Variants in MACROD2 observed in about 807,000 individuals in gnomAD.
MACROD2 encodes the protein mono-ADP ribosylhydrolase 2.
In MACROD2, 36 loss-of-function variants were observed where a neutral mutation model predicts 70.4. The observed-to-expected ratio is 0.51, with a 90% confidence interval of 0.39 to 0.68. The LOEUF (loss-of-function observed/expected upper bound fraction) is 0.68. Ranked by LOEUF, MACROD2 falls within the 30% of genes least tolerant of loss-of-function variation. MACROD2 has a pLI of 0.00. For missense variants in MACROD2, 496 were observed against 538.4 expected, an observed-to-expected ratio of 0.92 and a Z score of 0.78; for synonymous variants, 172 against 178.8, an observed-to-expected ratio of 0.96 and a Z score of 0.30.
At chr20:15,031,371 A>C (rs984330722) in intron 5 of MACROD2, among the ~76,000 whole-genome samples, 1 of 151,708 alleles carries the variant, frequency 6.6e-6, no homozygotes, top group Non-Finnish European at 1.5e-5. Flanking sequence ...TTGTGTTACA[A>C]CTCTTTCAGT....
chr20:14,400,847 T>C (rs2083629930), intron 3 of MACROD2, among the ~76,000 whole-genome samples: 1 of 152,192 alleles, frequency 6.6e-6, no homozygotes, highest in Non-Finnish European at 1.5e-5. Flanking sequence ...GGAAGTCCTT[T>C]TACCATATTT....
intron 6 of MACROD2, among the ~76,000 whole-genome samples, chr20:15,335,609 A>T (rs1475014384): frequency 6.6e-6 from 1 of 151,698 alleles, no homozygotes; most frequent in African/African-American, 2.4e-5. Context: ...AGTAATGCAG[A>T]CAGCCTACAA....
intron 13 of MACROD2, among the ~76,000 whole-genome samples, chr20:15,979,460 A>G (rs921853129): frequency 6.6e-6 from 1 of 152,138 alleles, no homozygotes; most frequent in African/African-American, 2.4e-5. Context: ...GCTGCGTGTC[A>G]CATTGTCACA....
intron 5 of MACROD2, among the ~76,000 whole-genome samples, chr20:14,778,653 C>T (rs764460901): frequency 9.9e-5 from 15 of 152,086 alleles, no homozygotes; most frequent in Non-Finnish European, 1.3e-4. Context: ...TCGGAGCCAT[C>T]AAATTATATT....
chr20:14,449,032 T>C (rs909169227), intron 3 of MACROD2, among the ~76,000 whole-genome samples: 9 of 152,092 alleles, frequency 5.9e-5, no homozygotes, highest in Non-Finnish European at 1.0e-4. Flanking sequence ...AATAGGAAAG[T>C]TAGGTTCTAG....
intron 5 of MACROD2, among the ~76,000 whole-genome samples, chr20:15,184,450 A>C (rs1349786705): frequency 6.6e-6 from 1 of 152,188 alleles, no homozygotes; most frequent in African/African-American, 2.4e-5. Flanking sequence ...GACCTGATAA[A>C]GGTTTATTTC....
Position 14,809,943 on chromosome 20 carries a change from T to C in MACROD2, c.418+124984T>C, listed in dbSNP as rs148117512. ...GAAGTTCTGAAATTGAGGCAATAAT[T>C]AATAGCCTACCAACCAAAAAAAGGC... is the stretch of plus-strand genomic sequence containing the variant. On this transcript the variant is annotated intron_variant, in intron 5 of 17. Transcript: ENST00000684519. 6.1e-4 allele frequency among the ~76,000 whole-genome samples: 84 copies of C among 138,124 alleles called. 2 individuals are homozygous for C. The highest frequency in any genetic ancestry group is 1.3e-3 in the Non-Finnish European group (76 of 60,172). 90.6% of individuals were successfully genotyped at this position (138,124 alleles called of 152,430 possible).
intron 5 of MACROD2, among the ~76,000 whole-genome samples, chr20:15,025,747 A>G (rs866192742): frequency 4.6e-5 from 7 of 152,208 alleles, no homozygotes; most frequent in African/African-American, 1.7e-4. Context: ...TGGGATGTTT[A>G]GCGGTATCCC....
chr20:15,169,532 T>G (rs1359952714), intron 5 of MACROD2, among the ~76,000 whole-genome samples: 1 of 152,226 alleles, frequency 6.6e-6, no homozygotes, highest in East Asian at 1.9e-4. Context: ...AGACATTTAT[T>G]TGCAAGAATT....
At chr20:14,417,633 G>C (rs181920826) in intron 3 of MACROD2, among the ~76,000 whole-genome samples, 8 of 152,172 alleles carry the variant, frequency 5.3e-5, no homozygotes, top group African/African-American at 9.7e-5. Context: ...ACATTTTTGT[G>C]TAGGATATTA....
chr20:14,534,724 A>G (rs969742913), intron 4 of MACROD2, among the ~76,000 whole-genome samples: 1 of 152,100 alleles, frequency 6.6e-6, no homozygotes, highest in African/African-American at 2.4e-5. Flanking sequence ...GAGTAGGGGA[A>G]GGATAGTTTT....
intron 13 of MACROD2, among the ~76,000 whole-genome samples, chr20:15,973,681 T>A (rs75908311): frequency 0.012 from 1,790 of 152,256 alleles, 33 homozygotes; most frequent in African/African-American, 0.04. Flanking sequence ...TAAAAGCCAC[T>A]CAGATTGACT....
At chr20:14,302,151 A>G (rs1035172851) in intron 3 of MACROD2, among the ~76,000 whole-genome samples, 1 of 152,198 alleles carries the variant, frequency 6.6e-6, no homozygotes, top group Admixed American at 6.5e-5. Flanking sequence ...CAAGACTGAA[A>G]TCTAGATATC....
At chr20:15,291,022 A>G (rs866621861) in intron 6 of MACROD2, among the ~76,000 whole-genome samples, 2 of 152,228 alleles carry the variant, frequency 1.3e-5, no homozygotes, top group African/African-American at 4.8e-5. Flanking sequence ...ACAGGGCGGT[A>G]GGAGAAAGAA....
At chr20:14,526,077 C>T (rs538029804) in intron 4 of MACROD2, among the ~76,000 whole-genome samples, 1 of 152,268 alleles carries the variant, frequency 6.6e-6, no homozygotes, top group South Asian at 2.1e-4. Flanking sequence ...AAATATCTTG[C>T]ATGGCCCAGA....
chr20:15,369,832 T>C (rs530520081), intron 6 of MACROD2, among the ~76,000 whole-genome samples: 2 of 152,226 alleles, frequency 1.3e-5, no homozygotes, highest in African/African-American at 4.8e-5. Flanking sequence ...TAAATGAGTA[T>C]AGGATGTCAT....
intron 6 of MACROD2, among the ~76,000 whole-genome samples, chr20:15,280,337 A>T (rs2077432298): frequency 6.6e-6 from 1 of 152,200 alleles, no homozygotes; most frequent in Non-Finnish European, 1.5e-5. Flanking sequence ...TTATATAATT[A>T]AAAGATTAAA....
At chr20:15,863,167 AC>A in intron 9 of MACROD2, among the ~76,000 whole-genome samples, 1 of 152,168 alleles carries the variant, frequency 6.6e-6, no homozygotes, top group Non-Finnish European at 1.5e-5. Context: ...TTGTAAGTTT[AC>A]CAGGCCCCAT....
chr20:14,304,380 G>C (rs964429322), intron 3 of MACROD2, among the ~76,000 whole-genome samples: 4 of 152,190 alleles, frequency 2.6e-5, no homozygotes, highest in Non-Finnish European at 5.9e-5. Flanking sequence ...CAGAAGACAA[G>C]TTAATGAATG....
Sources: allele counts gnomAD v4.1 joint callset (sites outside exome capture counted in the v4.1 genomes callset), GRCh38; gene constraint gnomAD v4.1.1; transcripts MANE v1.5; gene names NCBI Gene and HGNC (gene_info 2026-07-23, HGNC 2026-07-21).